The following DLC1 variants were observed in gnomAD, a reference collection of about 807,000 sequenced individuals.
DLC1 encodes DLC1 Rho GTPase activating protein.
Under a neutral mutation model 140.3 loss-of-function variants are expected in DLC1, and 54 were observed. That is an observed-to-expected ratio of 0.38 (90% CI 0.31 to 0.48). The LOEUF is 0.48. Ranked by LOEUF, DLC1 falls within the 20% of genes least tolerant of loss-of-function variation. DLC1 has a pLI of 0.96. For synonymous variants in DLC1, 986 were observed against 728.1 expected, an observed-to-expected ratio of 1.35 and a Z score of -5.70; for missense variants, 2,536 against 1,907.0, an observed-to-expected ratio of 1.33 and a Z score of -6.14.
chr8:13,455,306 G>A (rs764623873), intron 2 of DLC1, among the ~76,000 whole-genome samples: 11 of 152,058 alleles, frequency 7.2e-5, no homozygotes, highest in East Asian at 1.9e-4. Context: ...ATCCTTGGCC[G>A]GTCTGTTAAA....
intron 2 of DLC1, among the ~76,000 whole-genome samples, chr8:13,448,162 C>G (rs1356762815): frequency 6.6e-6 from 1 of 152,120 alleles, no homozygotes; most frequent in Admixed American, 6.6e-5. Flanking sequence ...GAAAGCGTCT[C>G]TCCAGGTGAC....
chr8:13,480,223 G>C (rs1280639692), intron 2 of DLC1, among the ~76,000 whole-genome samples: 1 of 152,036 alleles, frequency 6.6e-6, no homozygotes, highest in Non-Finnish European at 1.5e-5. Flanking sequence ...TTTGATTATT[G>C]GTTAAAATAT....
chr8:13,520,575 A>G (rs1802733901), intron 1 of DLC1, among the ~76,000 whole-genome samples: 2 of 152,218 alleles, frequency 1.3e-5, no homozygotes, highest in South Asian at 4.1e-4. Context: ...TACCTATGTA[A>G]CAAAACTGCA....
At chr8:13,500,879 G>C (rs1801782060) in intron 1 of DLC1, among the ~76,000 whole-genome samples, 1 of 152,172 alleles carries the variant, frequency 6.6e-6, no homozygotes, top group South Asian at 2.1e-4. Context: ...CTACTAGCTT[G>C]CAAGCTGGTA....
intron 4 of DLC1, among the ~76,000 whole-genome samples, chr8:13,380,890 TG>T (rs1236262304): frequency 3.9e-5 from 6 of 152,200 alleles, no homozygotes; most frequent in Non-Finnish European, 8.8e-5. Flanking sequence ...TTGAGATTCT[TG>T]CACGATTTGG....
chr8:13,602,433 A>G (rs1805919385), intron 1 of DLC1, among the ~76,000 whole-genome samples: 1 of 151,840 alleles, frequency 6.6e-6, no homozygotes. Flanking sequence ...ATTGCATTCC[A>G]GTAATTTAAA....
At chr8:13,286,566 T>C (rs952624224) in intron 5 of DLC1, among the ~76,000 whole-genome samples, 3 of 152,104 alleles carry the variant, frequency 2.0e-5, no homozygotes, top group African/African-American at 7.2e-5. Flanking sequence ...GCTGTTTGTA[T>C]GGATATATAT....
In DLC1 at chr8:13,183,745, G is replaced by A. The variant is rs113537433; in HGVS notation, c.1349-68088C>T. 1.3e-3 allele frequency among the ~76,000 whole-genome samples: 205 copies of A among 152,124 alleles called. 1 individual carries two copies. The highest frequency in any genetic ancestry group is 8.9e-3 in the South Asian group (43 of 4,824). On this transcript the variant is annotated intron_variant, in intron 5 of 17. Coordinates refer to ENST00000276297, the MANE Select transcript of DLC1 (RefSeq NM_182643.3). The stretch of plus-strand genomic sequence containing the variant: ...GTATTTTACTGAGGATTTTTGCATC[G>A]ATGTTCATCAGGGATATTGGTCTAA...
chr8:13,133,305 C>G lies in DLC1; in HGVS notation c.1349-17648G>C, dbSNP rs147909538. 112,198 of 1,235,624 alleles carry G rather than the reference C, an allele frequency of 0.091. 5,692 individuals are homozygous for G. The highest frequency in any genetic ancestry group is 0.099 in the Non-Finnish European group (97,930 of 986,800). The allele number at this position is 1,235,624 out of a possible 1,614,324, so 76.5% of individuals were successfully genotyped here. A position where few individuals can be genotyped will look rare whatever the true frequency, so the allele number is the denominator to read the frequency against. On this transcript the variant is annotated intron_variant, in intron 5 of 17. Transcript: ENST00000276297. ...GGAGCGAACTGTCTCCCGCGCGCTC[C>G]GCCAGCCGGGCCCTCCCGCTGGGCC...
chr8:13,110,390 C>T (rs147469236), intron 7 of DLC1, among the ~76,000 whole-genome samples: 24 of 152,144 alleles, frequency 1.6e-4, no homozygotes, highest in African/African-American at 5.8e-4. Context: ...CTTTATATGC[C>T]ACCCCCCATT....
chr8:13,485,404 A>C (rs868565539), intron 2 of DLC1, among the ~76,000 whole-genome samples: 1 of 152,120 alleles, frequency 6.6e-6, no homozygotes, highest in Admixed American at 6.6e-5. Context: ...GCTACTTGCC[A>C]CCCTACCCTA....
At chr8:13,233,188 A>T (rs1829126879) in intron 5 of DLC1, among the ~76,000 whole-genome samples, 1 of 150,638 alleles carries the variant, frequency 6.6e-6, no homozygotes. Flanking sequence ...CTAGCTACTC[A>T]AGAGGCTGAG....
intron 5 of DLC1, among the ~76,000 whole-genome samples, chr8:13,229,467 C>G (rs946662612): frequency 6.6e-6 from 1 of 151,996 alleles, no homozygotes; most frequent in Admixed American, 6.6e-5. Flanking sequence ...AAAATGATTG[C>G]TAATGGGTAT....
intron 5 of DLC1, among the ~76,000 whole-genome samples, chr8:13,238,962 C>T (rs538959564): frequency 3.3e-5 from 5 of 152,180 alleles, no homozygotes; most frequent in East Asian, 1.9e-4. Context: ...CAGTCCCTGG[C>T]GTCAGGGCAC....
At chr8:13,145,050 TA>T (rs1269633348) in intron 5 of DLC1, among the ~76,000 whole-genome samples, 2 of 152,208 alleles carry the variant, frequency 1.3e-5, no homozygotes, top group African/African-American at 4.8e-5. Context: ...TTATAAATTA[TA>T]AATACTTTCA....
chr8:13,229,665 G>C (rs938216017), intron 5 of DLC1, among the ~76,000 whole-genome samples: 3 of 150,828 alleles, frequency 2.0e-5, no homozygotes, highest in African/African-American at 7.4e-5. Flanking sequence ...GAGAGAGAGA[G>C]AAGAGAGAGA....
chr8:13,220,576 C>T (rs981556731), intron 5 of DLC1, among the ~76,000 whole-genome samples: 1 of 152,114 alleles, frequency 6.6e-6, no homozygotes, highest in Non-Finnish European at 1.5e-5. Flanking sequence ...TTATTAAATA[C>T]TATTTTCCTG....
At chr8:13,473,717 G>A (rs964061227) in intron 2 of DLC1, among the ~76,000 whole-genome samples, 1 of 152,096 alleles carries the variant, frequency 6.6e-6, no homozygotes, top group African/African-American at 2.4e-5. Context: ...GTTGGGAACT[G>A]GAACAAAGGT....
chr8:13,598,533 C>G (rs1462877199), intron 1 of DLC1, among the ~76,000 whole-genome samples: 1 of 152,030 alleles, frequency 6.6e-6, no homozygotes, highest in Non-Finnish European at 1.5e-5. Flanking sequence ...TTTTAGTAAT[C>G]TATTACTCTT....
Sources: gnomAD v4.1 joint callset for allele counts (sites outside exome capture counted in the v4.1 genomes callset) on GRCh38, gnomAD v4.1.1 for gene constraint, MANE v1.5 for transcripts, NCBI Gene and HGNC (gene_info 2026-07-23, HGNC 2026-07-21) for gene names.